The following IQCE variants were observed in gnomAD, a reference collection of about 807,000 sequenced individuals.
IQCE encodes the protein IQ domain-containing protein E.
In IQCE, 115 loss-of-function variants were observed where a neutral mutation model predicts 96.0. The ratio of observed to expected loss-of-function variants is 1.20; its 90% CI spans 1.03 to 1.40. The LOEUF (loss-of-function observed/expected upper bound fraction) is 1.40, where lower values mean the gene tolerates loss of function less well. Among genes scored for constraint, IQCE ranks in the 40% most tolerant of loss-of-function variants. The pLI, the probability that IQCE is intolerant of heterozygous loss-of-function variation, is 0.00. For missense variants in IQCE, 1,041 were observed against 909.1 expected (o/e 1.15, Z -1.87); for synonymous variants, 412 against 371.2 (o/e 1.11, Z -1.26).
intron 21 of IQCE, among the ~76,000 whole-genome samples, chr7:2,609,067 G>T (rs1004230323): frequency 6.6e-6 from 1 of 152,118 alleles, no homozygotes; most frequent in African/African-American, 2.4e-5. Flanking sequence ...CAGGCTCCCC[G>T]GCAAGGAGCT....
chr7:2,568,613 C>T (rs1304846198), intron 2 of IQCE, among the ~76,000 whole-genome samples: 6 of 152,202 alleles, frequency 3.9e-5, no homozygotes, highest in East Asian at 1.9e-4. Flanking sequence ...GACAGAGGTG[C>T]GCTGGGCTCC....
intron 18 of IQCE, among the ~76,000 whole-genome samples, chr7:2,604,524 A>G (rs1784653007): frequency 6.6e-6 from 1 of 152,220 alleles, no homozygotes; most frequent in South Asian, 2.1e-4. Context: ...TGAAACCAAT[A>G]AACTATTCCA....
At chr7:2,565,050 C>T (rs776988659) in intron 1 of IQCE, among the ~76,000 whole-genome samples, 3 of 151,824 alleles carry the variant, frequency 2.0e-5, no homozygotes, top group East Asian at 1.9e-4. Context: ...TTGAAGGAGG[C>T]GGAACAGATT....
chr7:2,579,041 C>CA lies in IQCE; in HGVS notation c.630+531dup, dbSNP rs759979729. Among the ~76,000 whole-genome samples the CA allele has an allele frequency of 6.2e-3, 709 of 113,652 alleles. 2 individuals are homozygous for CA. The highest frequency in any genetic ancestry group is 0.016 in the African/African-American group (488 of 30,510). The allele number at this position is 113,652 out of a possible 152,430, so 74.6% of individuals were successfully genotyped here. A position where few individuals can be genotyped will look rare whatever the true frequency, so the allele number is the denominator to read the frequency against. On this transcript the variant is annotated intron_variant, in intron 8 of 21. Coordinates refer to ENST00000402050, the MANE Select transcript of IQCE (RefSeq NM_152558.5). ...GCCACTGCACTCCAGCCTGGGTGAC[C>CA]AAAAAAAAAAAAAAAAGGTGCTACA...
intron 1 of IQCE, among the ~76,000 whole-genome samples, chr7:2,563,839 A>G (rs1415793020): frequency 7.1e-6 from 1 of 140,818 alleles, no homozygotes; most frequent in Non-Finnish European, 1.5e-5. Flanking sequence ...GCTTGCAGTG[A>G]GCCGAGATTG....
chr7:2,567,652 A>C (rs952425893), intron 2 of IQCE, among the ~76,000 whole-genome samples: 1 of 152,254 alleles, frequency 6.6e-6, no homozygotes, highest in South Asian at 2.1e-4. Flanking sequence ...TTGTTTGGCA[A>C]GCTGTGCTGG....
At chr7:2,559,754 C>G (rs1780782371) in intron 1 of IQCE, among the ~76,000 whole-genome samples, 1 of 54,012 alleles carries the variant, frequency 1.9e-5, no homozygotes, top group Admixed American at 3.0e-4. Context: ...CGGGAATAAG[C>G]TGCATTCCAG....
chr7:2,559,482 C>T, intron 1 of IQCE: 1 of 245,858 alleles, frequency 4.1e-6, no homozygotes, highest in Non-Finnish European at 7.7e-6. Flanking sequence ...CCTCTGGGCG[C>T]CTGCGAGTCT....
At position 2,593,138 on chromosome 7, in the gene IQCE, G is replaced by A. The variant is rs200933300; in HGVS notation, c.1349+12G>A. ...GAGGAGGTTTTGAGGTATGTGACCC[G>A]GGTCAGGGCTGGAGAGGACCCAGGC... On this transcript the variant is annotated intron_variant, in intron 15 of 21. Transcript: ENST00000402050. 8.5e-5 allele frequency: 136 copies of A among 1,606,630 alleles called. 2 individuals are homozygous for A. In the Admixed American group the frequency reaches 1.8e-3, roughly 21 times the overall value.
chr7:2,572,472 G>C, intron 5 of IQCE, 146 bp downstream of exon 5: 6 of 876,642 alleles, frequency 6.8e-6, no homozygotes, highest in Non-Finnish European at 1.0e-5. Context: ...GAGGTCGTGG[G>C]AGCAGTGACT....
At chr7:2,568,581 T>C (rs1388071651) in intron 2 of IQCE, among the ~76,000 whole-genome samples, 1 of 152,214 alleles carries the variant, frequency 6.6e-6, no homozygotes, top group Non-Finnish European at 1.5e-5. Context: ...CAGGGATTCA[T>C]CTGACCACCT....
chr7:2,566,318 G>A (rs554685396), intron 1 of IQCE, among the ~76,000 whole-genome samples: 17 of 143,530 alleles, frequency 1.2e-4, no homozygotes, highest in South Asian at 6.5e-4. Flanking sequence ...GGCCATCCTC[G>A]TGCTGAAATC....
chr7:2,572,214 C>T lies in IQCE; in HGVS notation c.282C>T (p.Asn94=). ...CAGGAAGTCTGACCCAGGCCCTGAA[C>T]TCACCCCTCACCTGGGAGCATGCGT... is the stretch of plus-strand genomic sequence containing the variant. ...AKPGSLTQAL[N]SPLTWEHAWT... The change falls in exon 5 of 22, where the codon AAC becomes AAT. Residue 94 remains asparagine (N), a synonymous_variant. Coordinates refer to ENST00000402050, the MANE Select transcript of IQCE (RefSeq NM_152558.5). 1 of 1,614,168 alleles carries T rather than the reference C, an allele frequency of 6.2e-7. No individual in the cohort carries two copies. The highest frequency in any genetic ancestry group is 8.5e-7 in the Non-Finnish European group (1 of 1,179,994).
intron 5 of IQCE, among the ~76,000 whole-genome samples, chr7:2,573,022 A>C (rs1781870755): frequency 6.6e-6 from 1 of 152,244 alleles, no homozygotes; most frequent in Non-Finnish European, 1.5e-5. Flanking sequence ...TTAAAACCAA[A>C]GTAAGCCTGA....
chr7:2,588,533 T>G (rs1783314510), intron 13 of IQCE, among the ~76,000 whole-genome samples: 1 of 151,424 alleles, frequency 6.6e-6, no homozygotes, highest in Non-Finnish European at 1.5e-5. Context: ...TTTTGTATTT[T>G]TAGTAGAGAC....
In IQCE at chr7:2,587,887, C is replaced by T. The variant is rs1484397285; in HGVS notation, c.1044+10C>T. On this transcript the variant is annotated intron_variant, in intron 13 of 21. Coordinates refer to ENST00000402050, the MANE Select transcript of IQCE (RefSeq NM_152558.5). ...TGTGGAGCTGGAGAAGGTGAGCGGG[C>T]GTCTCAGTGCCACTGTCGTTGGGGA... 43 of 1,613,188 alleles carry T rather than the reference C, an allele frequency of 2.7e-5. 2 individuals carry two copies. In the Admixed American group the frequency reaches 2.7e-4, roughly 10 times the overall value.
Position 2,613,228 on chromosome 7 carries a change from G to A in IQCE, c.*3066G>A, listed in dbSNP as rs895291651. ...ACGTCTGTTGAGCTGACACTGCTGA[G>A]GCTGAAGCTGGCCCCGTGCAGGTGG... On this transcript the variant is annotated 3_prime_UTR_variant, in exon 22 of 22. Transcript: ENST00000402050. The A allele has an allele frequency of 1.3e-5, 2 of 152,330 alleles. No homozygotes were observed. The highest frequency in any genetic ancestry group is 6.5e-5 in the Admixed American group (1 of 15,278). 9.4% of individuals were successfully genotyped at this position (152,330 alleles called of 1,614,324 possible). A position where few individuals can be genotyped will look rare whatever the true frequency, so the allele number is the denominator to read the frequency against.
At chr7:2,572,663 A>C (rs751233088) in intron 5 of IQCE, 3 of 479,352 alleles carry the variant, frequency 6.3e-6, no homozygotes, top group East Asian at 6.1e-5. Context: ...TAAAAAGTCC[A>C]AGTCGCACCA....
intron 17 of IQCE, among the ~76,000 whole-genome samples, chr7:2,600,372 G>C (rs902572550): frequency 6.6e-6 from 1 of 152,218 alleles, no homozygotes; most frequent in Non-Finnish European, 1.5e-5. Context: ...ATGGCTGCTG[G>C]CTTTCGCCAT....
Sources: allele counts gnomAD v4.1 joint callset (sites outside exome capture counted in the v4.1 genomes callset), GRCh38; gene constraint gnomAD v4.1.1; transcripts MANE v1.5; gene names NCBI Gene and HGNC (gene_info 2026-07-23, HGNC 2026-07-21).